Variants in HS3ST5 observed in about 807,000 individuals in gnomAD.
HS3ST5 encodes the protein heparan sulfate glucosamine 3-O-sulfotransferase 5.
A neutral mutation model predicts 25.4 loss-of-function variants in HS3ST5; 10 were observed. The observed-to-expected ratio is 0.39, with a 90% CI of 0.24 to 0.67. HS3ST5 has a LOEUF of 0.67. Among genes scored for constraint, HS3ST5 ranks in the 30% least tolerant of loss-of-function variants. The pLI, the probability that HS3ST5 is intolerant of heterozygous loss-of-function variation, is 0.44. For synonymous variants in HS3ST5, 170 were observed against 162.4 expected (o/e 1.05, Z -0.36); for missense variants, 324 against 420.7 (o/e 0.77, Z 2.01).
rs1289598668 is a variant in HS3ST5 at position 114,057,826 on chromosome 6, C to A, written c.472G>T (p.Ala158Ser). 1 of 1,614,118 alleles carries A rather than the reference C, an allele frequency of 6.2e-7. No homozygotes were observed. The change falls in exon 5 of 5, where the codon GCA becomes TCA. Residue 158 changes from alanine (A) to serine (S), a missense_variant. Transcript: ENST00000312719. Reference sequence around the variant, plus strand: ...GGAACCTCCTCTGTGATAAAATATGCTGGGCTCTTTTCAATTGTGATTTGC... The same window carrying A: ...GGAACCTCCTCTGTGATAAAATATGATGGGCTCTTTTCAATTGTGATTTGC... ...PQQITIEKSPAYFITEEVPER... is the reference protein window; with the variant it reads ...PQQITIEKSPSYFITEEVPER...
At chr6:114,204,422 T>C (rs1464098337) in intron 2 of HS3ST5, among the ~76,000 whole-genome samples, 1 of 152,200 alleles carries the variant, frequency 6.6e-6, no homozygotes, top group East Asian at 1.9e-4. Flanking sequence ...TACTCTTTTA[T>C]TTTCTTCCTT....
At chr6:114,250,780 G>A (rs1562252804) in intron 1 of HS3ST5, among the ~76,000 whole-genome samples, 2 of 152,180 alleles carry the variant, frequency 1.3e-5, no homozygotes, top group Non-Finnish European at 2.9e-5. Flanking sequence ...TTATTGGAAG[G>A]ACAGTCATAC....
intron 2 of HS3ST5, among the ~76,000 whole-genome samples, chr6:114,171,108 A>G (rs17800949): frequency 0.018 from 2,679 of 152,292 alleles, 41 homozygotes; most frequent in Non-Finnish European, 0.026. Context: ...TATATACTTT[A>G]ACCTTCCAGG....
intron 3 of HS3ST5, among the ~76,000 whole-genome samples, chr6:114,134,094 T>C (rs1777478100): frequency 6.6e-6 from 1 of 151,874 alleles, no homozygotes; most frequent in Non-Finnish European, 1.5e-5. Flanking sequence ...TGAGAGTACA[T>C]TGAGTCAAGA....
chr6:114,241,692 G>A (rs1175139092), intron 1 of HS3ST5, among the ~76,000 whole-genome samples: 2 of 152,106 alleles, frequency 1.3e-5, no homozygotes, highest in African/African-American at 2.4e-5. Flanking sequence ...TTTTGAAAAG[G>A]TATGTTGAAA....
rs974823265 is a variant in HS3ST5, at chr6:114,249,947, G to A, written c.-338-21169C>T. Among the ~76,000 whole-genome samples the A allele has an allele frequency of 3.3e-5, 5 of 152,042 alleles. No individual in the cohort carries two copies. The South Asian group carries it at 6.2e-4, about 19-fold the overall frequency. ...ACTAATGTAAAAATAAATCCATACC[G>A]ATCTGAAATATTTGTGCATTTGTAT... On this transcript the variant is annotated intron_variant, in intron 1 of 4. Transcript: ENST00000312719.
chr6:114,066,222 A>G (rs1773439507), intron 3 of HS3ST5, among the ~76,000 whole-genome samples: 1 of 152,256 alleles, frequency 6.6e-6, no homozygotes, highest in South Asian at 2.1e-4. Flanking sequence ...GCTTACAGAA[A>G]GGTACTAAGC....
intron 1 of HS3ST5, among the ~76,000 whole-genome samples, chr6:114,319,564 A>G (rs930471972): frequency 1.3e-5 from 2 of 152,142 alleles, no homozygotes; most frequent in African/African-American, 4.8e-5. Flanking sequence ...CATATATCAT[A>G]AGTAGCACAG....
chr6:114,060,684 A>C (rs1582551832), intron 4 of HS3ST5, among the ~76,000 whole-genome samples: 1 of 152,160 alleles, frequency 6.6e-6, no homozygotes, highest in Admixed American at 6.5e-5. Context: ...AGAGTGGCTG[A>C]TATAGACAGT....
Position 114,252,799 on chromosome 6 carries a change from C to T in HS3ST5, c.-338-24021G>A, listed in dbSNP as rs142155578. Among the ~76,000 whole-genome samples, 880 of 152,248 alleles carry T rather than the reference C, an allele frequency of 5.8e-3. 6 individuals carry two copies. Among genetic ancestry groups the T allele is most frequent in the African/African-American group, 0.02 (847 of 41,560 alleles). On this transcript the variant is annotated intron_variant, in intron 1 of 4. Transcript: ENST00000312719. ...TTTCATAGATCAGGTTGTCTTCCTG[C>T]GTAGTCGCAATTTGGAGCAATGCTA...
chr6:114,065,004 CAAAG>C (rs1474658809), intron 3 of HS3ST5, among the ~76,000 whole-genome samples: 1 of 151,990 alleles, frequency 6.6e-6, no homozygotes, highest in African/African-American at 2.4e-5. Context: ...AGAGCATAAG[CAAAG>C]AGAGAGCAAA....
intron 1 of HS3ST5, among the ~76,000 whole-genome samples, chr6:114,301,527 TTG>T (rs1476667761): frequency 5.9e-5 from 9 of 152,076 alleles, no homozygotes; most frequent in African/African-American, 2.2e-4. Context: ...TCCTAGGCAA[TTG>T]TGTAAATTTA....
chr6:114,311,539 C>CT (rs11463610), intron 1 of HS3ST5, among the ~76,000 whole-genome samples: 29,885 of 84,542 alleles, frequency 0.35, 6,524 homozygotes, highest in East Asian at 0.56. Context: ...TTCTCTCTCT[C>CT]TTTTTTTTTT....
chr6:114,154,803 G>T (rs1413851442), intron 3 of HS3ST5, among the ~76,000 whole-genome samples: 4 of 152,252 alleles, frequency 2.6e-5, no homozygotes, highest in South Asian at 2.1e-4. Flanking sequence ...TGTGGGCAGG[G>T]TTTGCTTCCT....
At chr6:114,169,725 T>A (rs1029638690) in intron 2 of HS3ST5, among the ~76,000 whole-genome samples, 1 of 152,194 alleles carries the variant, frequency 6.6e-6, no homozygotes, top group Admixed American at 6.5e-5. Flanking sequence ...GAAATCATTA[T>A]AATTATAAAT....
rs537679666 is a variant in HS3ST5 at position 114,296,771 on chromosome 6, C to T, written c.-339+45424G>A. Reference sequence around the variant, plus strand: ...GAGTCAAAACAAATGATACTCAAGACGACAAGACAATGTAAATGAAAGCTC... The same window carrying T: ...GAGTCAAAACAAATGATACTCAAGATGACAAGACAATGTAAATGAAAGCTC... On this transcript the variant is annotated intron_variant, in intron 1 of 4. Transcript: ENST00000312719. Among the ~76,000 whole-genome samples the T allele has an allele frequency of 4.6e-5, 7 of 152,194 alleles. No individual in the cohort carries two copies. In the East Asian group the frequency reaches 5.8e-4, roughly 13 times the overall value.
chr6:114,298,841 C>A (rs1047474314), intron 1 of HS3ST5, among the ~76,000 whole-genome samples: 3 of 152,154 alleles, frequency 2.0e-5, no homozygotes, highest in African/African-American at 7.2e-5. Flanking sequence ...ATTTCCTATG[C>A]CCGTCTTATC....
intron 1 of HS3ST5, among the ~76,000 whole-genome samples, chr6:114,271,172 G>A (rs562608546): frequency 6.6e-6 from 1 of 152,164 alleles, no homozygotes; most frequent in African/African-American, 2.4e-5. Flanking sequence ...CTTTGTAGTA[G>A]TTAAAACCTG....
chr6:114,125,512 G>T (rs2114889740), intron 3 of HS3ST5, among the ~76,000 whole-genome samples: 1 of 152,242 alleles, frequency 6.6e-6, no homozygotes, highest in Admixed American at 6.5e-5. Context: ...TAAATATTCA[G>T]AAGGATCAAA....
Sources: gnomAD v4.1 joint callset for allele counts (sites outside exome capture counted in the v4.1 genomes callset) on GRCh38, gnomAD v4.1.1 for gene constraint, MANE v1.5 for transcripts, NCBI Gene and HGNC (gene_info 2026-07-23, HGNC 2026-07-21) for gene names.